MAPRE3: variants seen among roughly 807,000 people sequenced by gnomAD.
MAPRE3 encodes the protein microtubule-associated protein RP/EB family member 3.
MAPRE3 carries 2 observed loss-of-function variants against 30.5 expected under a neutral mutation model. The observed-to-expected ratio is 0.07, with a 90% CI of 0.03 to 0.21. The LOEUF is 0.21. Ranked by LOEUF, MAPRE3 falls within the 10% of genes least tolerant of loss-of-function variation. The probability of loss-of-function intolerance (pLI) is 1.00; values close to 1 mark genes in which losing one functional copy is unlikely to be tolerated. For synonymous variants in MAPRE3, 110 were observed against 127.7 expected (o/e 0.86, Z 0.93); for missense variants, 204 against 351.8 (o/e 0.58, Z 3.36).
chr2:26,993,929 T>TC (rs1164940223), intron 1 of MAPRE3, among the ~76,000 whole-genome samples: 1 of 151,998 alleles, frequency 6.6e-6, no homozygotes, highest in Non-Finnish European at 1.5e-5. Context: ...GATGGCGCTC[T>TC]CCCCCCAGAC....
chr2:26,990,693 T>C (rs891487603), intron 1 of MAPRE3, among the ~76,000 whole-genome samples: 2 of 152,264 alleles, frequency 1.3e-5, no homozygotes, highest in Admixed American at 6.5e-5. Flanking sequence ...TTTATGCACC[T>C]CTGTGTTTTT....
chr2:26,981,605 A>C (rs1263333316), intron 1 of MAPRE3, among the ~76,000 whole-genome samples: 1 of 152,194 alleles, frequency 6.6e-6, no homozygotes, highest in Admixed American at 6.5e-5. Context: ...GAATATTTGA[A>C]ATCTCAGGAG....
chr2:27,001,823 G>A (rs1029197911), intron 1 of MAPRE3, among the ~76,000 whole-genome samples: 4 of 152,178 alleles, frequency 2.6e-5, no homozygotes, highest in Non-Finnish European at 5.9e-5. Flanking sequence ...GATGCGGTGC[G>A]TGACTGTGTT....
chr2:26,999,385 A>G (rs1666535438), intron 1 of MAPRE3, among the ~76,000 whole-genome samples: 1 of 151,920 alleles, frequency 6.6e-6, no homozygotes, highest in South Asian at 2.1e-4. Flanking sequence ...AAGGGACAAG[A>G]TGAATGAGAA....
intron 4 of MAPRE3, 27 bp downstream of exon 4, chr2:27,024,324 G>A: frequency 1.2e-6 from 2 of 1,604,548 alleles, no homozygotes; most frequent in Non-Finnish European, 1.7e-6. Context: ...GGGGGAGGGA[G>A]CGTGGGGGGC....
chr2:26,990,844 CT>C (rs1666321864), intron 1 of MAPRE3, among the ~76,000 whole-genome samples: 1 of 152,170 alleles, frequency 6.6e-6, no homozygotes, highest in Non-Finnish European at 1.5e-5. Context: ...TTGCATGTGT[CT>C]TCCTGCACTG....
Position 26,986,533 on chromosome 2 carries a change from A to G in MAPRE3, c.-8+15731A>G, listed in dbSNP as rs192471358. 59 of 152,356 alleles carry G rather than the reference A, an allele frequency of 3.9e-4. No individual in the cohort carries two copies. The highest frequency in any genetic ancestry group is 1.4e-3 in the African/African-American group (58 of 41,582). 9.4% of individuals were successfully genotyped at this position (152,356 alleles called of 1,614,324 possible). The stretch of plus-strand genomic sequence containing the variant: ...ATTACCTGCACAGGTTCTCTCAGGC[A>G]GAAAACATGGAAAGCTACGTCAGCT... On this transcript the variant is annotated intron_variant, in intron 1 of 6. Coordinates refer to ENST00000233121, the MANE Select transcript of MAPRE3 (RefSeq NM_012326.4). The surrounding 1 kb of genome is among the most constrained non-coding windows in gnomAD (Gnocchi z 4.2).
chr2:27,003,517 C>G (rs995589900), intron 1 of MAPRE3, among the ~76,000 whole-genome samples: 2 of 152,174 alleles, frequency 1.3e-5, no homozygotes, highest in Admixed American at 1.3e-4. Flanking sequence ...CAGCTGTCTA[C>G]GAGCTTTTCT....
intron 1 of MAPRE3, among the ~76,000 whole-genome samples, chr2:27,019,164 G>GAATAAAGAAGAGGGTTTTCTCT (rs1667057503): frequency 6.6e-6 from 1 of 151,878 alleles, no homozygotes; most frequent in African/African-American, 2.4e-5. Flanking sequence ...CAAAGTGCTG[G>GAATAAAGAAGAGGGTTTTCTCT]CATTACAGGC....
chr2:26,973,980 A>G (rs1403934184), intron 1 of MAPRE3, among the ~76,000 whole-genome samples: 1 of 152,226 alleles, frequency 6.6e-6, no homozygotes, highest in East Asian at 1.9e-4. Flanking sequence ...CCCAGATGGT[A>G]TAGTTTAATG....
At chr2:27,002,571 T>A (rs920482356) in intron 1 of MAPRE3, among the ~76,000 whole-genome samples, 1 of 152,136 alleles carries the variant, frequency 6.6e-6, no homozygotes, top group Non-Finnish European at 1.5e-5. Flanking sequence ...TTAGTGTGGG[T>A]TTAACTTTGT....
At chr2:27,000,118 C>T (rs1666559566) in intron 1 of MAPRE3, among the ~76,000 whole-genome samples, 1 of 152,170 alleles carries the variant, frequency 6.6e-6, no homozygotes, top group African/African-American at 2.4e-5. Flanking sequence ...CAAATTTCCA[C>T]TTAAATATAT....
chr2:26,991,241 G>A (rs2148205514), intron 1 of MAPRE3, among the ~76,000 whole-genome samples: 1 of 152,190 alleles, frequency 6.6e-6, no homozygotes. Flanking sequence ...GCGACAGAGT[G>A]AGACTCCATC....
At chr2:27,022,128 A>G in intron 1 of MAPRE3, 84 bp from the exon 2 acceptor site, 1 of 1,484,110 alleles carries the variant, frequency 6.7e-7, no homozygotes, top group Non-Finnish European at 9.2e-7. Flanking sequence ...CTTACTTCCC[A>G]GTATCATACA....
rs145294178 is a variant in MAPRE3 at position 27,023,370 on chromosome 2, G to C, written c.160G>C (p.Gly54Arg). ...CCAGTTCATGGACATGCTCTTCCCC[G>C]GCTGTGTGCACTTGAGGAAAGTGAA... ...YCQFMDMLFP[G>R]CVHLRKVKFQ... The change falls in exon 3 of 7, where the codon GGC becomes CGC. Residue 54 changes from glycine (G) to arginine (R), a missense_variant. By Grantham distance (125) the Gly-to-Arg change is moderately radical. This residue lies in a region of MAPRE3 where 101 missense variants were observed against 205.4 expected (regional missense o/e 0.49). Transcript: ENST00000233121. The C allele has an allele frequency of 1.2e-6, 2 of 1,611,408 alleles. No individual in the cohort carries two copies. The highest frequency in any genetic ancestry group is 8.5e-7 in the Non-Finnish European group (1 of 1,177,654).
chr2:26,983,214 G>A (rs144603643), intron 1 of MAPRE3, among the ~76,000 whole-genome samples: 162 of 152,324 alleles, frequency 1.1e-3, no homozygotes, highest in African/African-American at 3.7e-3. Context: ...AATGTGTAGT[G>A]GAGCCTTTCC....
rs1267043683 is a variant in MAPRE3 at position 26,991,097 on chromosome 2, C to CA, written c.-8+20302dup. 5.3e-5 allele frequency among the ~76,000 whole-genome samples: 8 copies of CA among 152,208 alleles called. No homozygotes were observed. The East Asian group carries it at 1.4e-3, about 26-fold the overall frequency. On this transcript the variant is annotated intron_variant, in intron 1 of 6. Transcript: ENST00000233121. ...TGAAACCCCGTCTCTACTAAAAATA[C>CA]AAAAAAATTAGCCAGGCGTGGTGGT...
rs745936824 is a variant in MAPRE3 at position 26,986,121 on chromosome 2, G to A, written c.-8+15319G>A. Reference sequence around the variant, plus strand: ...CTGGAGCCTCCAGGAGAAAATCCGCGTCTTTGCCTCCTCCATCCTCTAAAG... The same window carrying A: ...CTGGAGCCTCCAGGAGAAAATCCGCATCTTTGCCTCCTCCATCCTCTAAAG... On this transcript the variant is annotated intron_variant, in intron 1 of 6. Coordinates refer to ENST00000233121, the MANE Select transcript of MAPRE3 (RefSeq NM_012326.4). The surrounding 1 kb of genome is among the most constrained non-coding windows in gnomAD (Gnocchi z 4.2). 8.5e-5 allele frequency among the ~76,000 whole-genome samples: 13 copies of A among 152,174 alleles called. No homozygotes were observed. The highest frequency in any genetic ancestry group is 2.9e-4 in the African/African-American group (12 of 41,424).
chr2:26,976,683 C>G (rs1666020421), intron 1 of MAPRE3, among the ~76,000 whole-genome samples: 1 of 152,210 alleles, frequency 6.6e-6, no homozygotes, highest in African/African-American at 2.4e-5. Flanking sequence ...CTTGTCCTAT[C>G]TAAAATGCTT....
Sources: gnomAD v4.1 joint callset for allele counts (sites outside exome capture counted in the v4.1 genomes callset) on GRCh38, gnomAD v4.1.1 for gene constraint, gnomAD v4.1.1 regional missense constraint, Gnocchi (gnomAD v3.1) non-coding constraint, MANE v1.5 for transcripts, NCBI Gene and HGNC (gene_info 2026-07-23, HGNC 2026-07-21) for gene names.